The following POTEJ variants were observed in gnomAD, a reference collection of about 807,000 sequenced individuals.
POTEJ encodes POTE ankyrin domain family, member J.
In POTEJ, 11 loss-of-function variants were observed where a neutral mutation model predicts 69.0. That is an observed-to-expected ratio of 0.16 (90% CI 0.10 to 0.26). The LOEUF is 0.26. Ranked by LOEUF, POTEJ falls within the 10% of genes least tolerant of loss-of-function variation. The pLI is 1.00. For synonymous variants in POTEJ, 117 were observed against 381.1 expected, an observed-to-expected ratio of 0.31 and a Z score of 8.07; for missense variants, 327 against 1,045.5, an observed-to-expected ratio of 0.31 and a Z score of 9.48.
At chr2:130,612,562 C>T (rs1329305164) in intron 1 of POTEJ, among the ~76,000 whole-genome samples, 1 of 152,254 alleles carries the variant, frequency 6.6e-6, no homozygotes, top group Non-Finnish European at 1.5e-5. Context: ...AGATCGAGAC[C>T]ATCCTGGCTA....
At chr2:130,647,648 G>A (rs1431600113) in intron 13 of POTEJ, among the ~76,000 whole-genome samples, 1 of 150,176 alleles carries the variant, frequency 6.7e-6, no homozygotes, top group Non-Finnish European at 1.5e-5. Flanking sequence ...CTGGGCTCTA[G>A]TGATCCTCTG....
Position 130,637,595 on chromosome 2 carries a change from G to A in POTEJ, c.1299-1024G>A, listed in dbSNP as rs1410825619. On this transcript the variant is annotated intron_variant, in intron 9 of 14. Coordinates refer to ENST00000409602, the MANE Select transcript of POTEJ (RefSeq NM_001277083.2). Reference sequence around the variant, plus strand: ...CAAAAACATTGAAATTGTGATTTGCGCAATAAAAATAGTCATGTAAGGTGG... The same window carrying A: ...CAAAAACATTGAAATTGTGATTTGCACAATAAAAATAGTCATGTAAGGTGG... Among the ~76,000 whole-genome samples, 8 of 152,202 alleles carry A rather than the reference G, an allele frequency of 5.3e-5. No individual in the cohort carries two copies. In the East Asian group the frequency reaches 5.8e-4, roughly 11 times the overall value.
At chr2:130,614,379 T>C (rs1376201452) in intron 1 of POTEJ, among the ~76,000 whole-genome samples, 3 of 144,910 alleles carry the variant, frequency 2.1e-5, no homozygotes, top group Non-Finnish European at 4.5e-5. Context: ...TAGATGTGTT[T>C]TTCTTAGTAT....
intron 1 of POTEJ, among the ~76,000 whole-genome samples, chr2:130,614,549 A>T (rs1685361031): frequency 6.7e-6 from 1 of 148,870 alleles, no homozygotes; most frequent in Non-Finnish European, 1.5e-5. Context: ...CAAGTGAGAA[A>T]AAAATCAGTT....
chr2:130,656,343 ATATT>A (rs1686986355), intron 14 of POTEJ, among the ~76,000 whole-genome samples: 1 of 148,844 alleles, frequency 6.7e-6, no homozygotes, highest in Non-Finnish European at 1.5e-5. Context: ...AAAAGTTTAA[ATATT>A]TATTTAAAGA....
At chr2:130,622,487 A>G (rs1685574618) in intron 5 of POTEJ, among the ~76,000 whole-genome samples, 1 of 119,188 alleles carries the variant, frequency 8.4e-6, no homozygotes, top group Non-Finnish European at 1.7e-5. Flanking sequence ...GGTTCAAATA[A>G]TGTGGCAGAA....
chr2:130,637,245 C>A (rs1000673038), intron 9 of POTEJ, among the ~76,000 whole-genome samples: 2 of 151,332 alleles, frequency 1.3e-5, no homozygotes, highest in Non-Finnish European at 3.0e-5. Flanking sequence ...ACTATTTATT[C>A]TTTAATAGTA....
chr2:130,627,223 T>C (rs1685743728), intron 6 of POTEJ, among the ~76,000 whole-genome samples: 1 of 151,352 alleles, frequency 6.6e-6, no homozygotes, highest in African/African-American at 2.5e-5. Flanking sequence ...TTTGAGTAGG[T>C]AATTGGATAA....
Position 130,631,092 on chromosome 2 carries a change from T to G in POTEJ, c.1087-317T>G, listed in dbSNP as rs1171942335. On this transcript the variant is annotated intron_variant, in intron 7 of 14. Coordinates refer to ENST00000409602, the MANE Select transcript of POTEJ (RefSeq NM_001277083.2). Reference sequence around the variant, plus strand: ...TTTGGTAGATTTAACACATAACAAGTTTAGTCCAAACAAATGGTGACCAAG... The same window carrying G: ...TTTGGTAGATTTAACACATAACAAGGTTAGTCCAAACAAATGGTGACCAAG... Among the ~76,000 whole-genome samples, 13 of 144,254 alleles carry G rather than the reference T, an allele frequency of 9.0e-5. 1 individual carries two copies. Among genetic ancestry groups the G allele is most frequent in the African/African-American group, 3.6e-4 (13 of 36,202 alleles). 94.6% of individuals were successfully genotyped at this position (144,254 alleles called of 152,430 possible).
chr2:130,623,932 A>G, intron 5 of POTEJ, 132 bp from the exon 6 acceptor site: 1 of 515,684 alleles, frequency 1.9e-6, no homozygotes, highest in Non-Finnish European at 3.4e-6. Flanking sequence ...TGTACTCATA[A>G]GTGGATGGGA....
chr2:130,639,381 G>A (rs71236640), intron 10 of POTEJ, among the ~76,000 whole-genome samples: 970 of 138,540 alleles, frequency 7.0e-3, no homozygotes, highest in East Asian at 0.029. Flanking sequence ...CATTCCTCCT[G>A]TTTTGAAGTT....
intron 10 of POTEJ, among the ~76,000 whole-genome samples, chr2:130,641,833 C>T (rs1440210922): frequency 1.3e-5 from 2 of 152,208 alleles, no homozygotes; most frequent in Non-Finnish European, 2.9e-5. Context: ...TGTCAAAGAT[C>T]CAAGAATCTG....
At chr2:130,648,681 T>TAA (rs1686683584) in intron 13 of POTEJ, among the ~76,000 whole-genome samples, 1 of 139,912 alleles carries the variant, frequency 7.1e-6, no homozygotes, top group Non-Finnish European at 1.5e-5. Context: ...CCTGCCTTTC[T>TAA]AGTCCGTTTA....
chr2:130,643,106 A>G (rs555746307), intron 10 of POTEJ, among the ~76,000 whole-genome samples: 17 of 147,440 alleles, frequency 1.2e-4, no homozygotes, highest in Non-Finnish European at 1.8e-4. Flanking sequence ...TGGAGGAATA[A>G]TGTACAGTTT....
chr2:130,612,462 T>C (rs1352123300), intron 1 of POTEJ, among the ~76,000 whole-genome samples: 2 of 152,214 alleles, frequency 1.3e-5, no homozygotes, highest in African/African-American at 2.4e-5. Context: ...GAAGATTGAA[T>C]TTTCTTAAGA....
intron 1 of POTEJ, among the ~76,000 whole-genome samples, chr2:130,613,344 A>ATG (rs201015025): frequency 7.6e-6 from 1 of 130,910 alleles, no homozygotes; most frequent in Non-Finnish European, 1.5e-5. Flanking sequence ...ATACATATAT[A>ATG]TGTGTGTGTA....
At chr2:130,644,458 G>A (rs1368264163) in intron 11 of POTEJ, among the ~76,000 whole-genome samples, 20 of 152,180 alleles carry the variant, frequency 1.3e-4, no homozygotes, top group African/African-American at 4.8e-4. Flanking sequence ...GACAGAGCGA[G>A]ACTCCATCTG....
intron 10 of POTEJ, among the ~76,000 whole-genome samples, chr2:130,642,930 A>G (rs1686446091): frequency 6.6e-6 from 1 of 150,664 alleles, no homozygotes; most frequent in South Asian, 2.1e-4. Context: ...TGTGTTCTAG[A>G]AAAGCCATCT....
chr2:130,639,147 G>T (rs1162380627), intron 10 of POTEJ, among the ~76,000 whole-genome samples: 3 of 152,306 alleles, frequency 2.0e-5, no homozygotes, highest in Non-Finnish European at 4.4e-5. Flanking sequence ...TACAGATGAA[G>T]CTTCCCTGGC....
Sources: gnomAD v4.1 joint callset for allele counts (sites outside exome capture counted in the v4.1 genomes callset) on GRCh38, gnomAD v4.1.1 for gene constraint, MANE v1.5 for transcripts, NCBI Gene and HGNC (gene_info 2026-07-23, HGNC 2026-07-21) for gene names.